Variants in AGBL1 observed in about 807,000 individuals in gnomAD.
AGBL1 encodes AGBL carboxypeptidase 1, also known as cytosolic carboxypeptidase 4.
AGBL1 carries 130 observed loss-of-function variants against 118.9 expected under a neutral mutation model. The observed-to-expected ratio is 1.09, with a 90% confidence interval of 0.95 to 1.26. The LOEUF (loss-of-function observed/expected upper bound fraction) is 1.26, where lower values mean the gene tolerates loss of function less well. Among genes scored for constraint, AGBL1 ranks in the 50% most tolerant of loss-of-function variants. The probability of loss-of-function intolerance (pLI) is 0.00; values close to 1 mark genes in which losing one functional copy is unlikely to be tolerated. For missense variants in AGBL1, 1,584 were observed against 1,298.1 expected (o/e 1.22, Z -3.38); for synonymous variants, 555 against 478.9 (o/e 1.16, Z -2.08).
rs531840610 is a variant in AGBL1 at position 86,588,398 on chromosome 15, G to A, written c.2994+33861G>A. 5.6e-4 allele frequency among the ~76,000 whole-genome samples: 86 copies of A among 152,278 alleles called. 1 individual carries two copies. The South Asian group carries it at 0.018, about 31-fold the overall frequency. ...TCTACTGTCCTAAACAACGAGATATGCCTCCCCACTCCTGCCCCTACCAGA... is the reference window on the plus strand; with the variant it reads ...TCTACTGTCCTAAACAACGAGATATACCTCCCCACTCCTGCCCCTACCAGA... On this transcript the variant is annotated intron_variant, in intron 21 of 22. Coordinates refer to ENST00000614907, the MANE Select transcript of AGBL1 (RefSeq NM_001386094.1).
At chr15:86,857,676 CTCTT>C (rs2079502819) in intron 22 of AGBL1, among the ~76,000 whole-genome samples, 1 of 152,160 alleles carries the variant, frequency 6.6e-6, no homozygotes, top group African/African-American at 2.4e-5. Context: ...ACTCATGTGA[CTCTT>C]TCATTCAGAC....
Position 86,829,776 on chromosome 15 carries a change from T to A in AGBL1, c.3159-77311T>A, listed in dbSNP as rs576315902. 5.1e-4 allele frequency among the ~76,000 whole-genome samples: 78 copies of A among 152,182 alleles called. No homozygotes were observed. The East Asian group carries it at 6.4e-3, about 12-fold the overall frequency. On this transcript the variant is annotated intron_variant, in intron 22 of 22. Coordinates refer to ENST00000614907, the MANE Select transcript of AGBL1 (RefSeq NM_001386094.1). ...CAAAGCATACAGTTATTTTATTTTTTAAAAATTATAATATTTATTAAATTT... is the reference window on the plus strand; with the variant it reads ...CAAAGCATACAGTTATTTTATTTTTAAAAAATTATAATATTTATTAAATTT...
At chr15:86,229,314 T>G (rs915128342) in intron 6 of AGBL1, among the ~76,000 whole-genome samples, 6 of 152,116 alleles carry the variant, frequency 3.9e-5, no homozygotes, top group African/African-American at 1.4e-4. Flanking sequence ...CTTACAATCA[T>G]GGCAGAAGGG....
chr15:86,228,330 G>A (rs75543007), intron 6 of AGBL1, among the ~76,000 whole-genome samples: 2,622 of 152,220 alleles, frequency 0.017, 91 homozygotes, highest in African/African-American at 0.06. Flanking sequence ...TAAACCTTTA[G>A]CTCCTAAAGG....
At chr15:86,601,496 T>G (rs2084492479) in intron 21 of AGBL1, among the ~76,000 whole-genome samples, 1 of 152,176 alleles carries the variant, frequency 6.6e-6, no homozygotes, top group Non-Finnish European at 1.5e-5. Context: ...AAGCTTCTGT[T>G]GGGTGCAAGT....
chr15:86,632,630 GTTT>G (rs61180689), intron 21 of AGBL1, among the ~76,000 whole-genome samples: 1,876 of 143,592 alleles, frequency 0.013, 30 homozygotes, highest in African/African-American at 0.039. Flanking sequence ...ATCTCATCAT[GTTT>G]TTTTTTTTTT....
intron 19 of AGBL1, among the ~76,000 whole-genome samples, chr15:86,534,470 G>A (rs1280430557): frequency 3.3e-5 from 5 of 152,156 alleles, no homozygotes; most frequent in Non-Finnish European, 4.4e-5. Flanking sequence ...AGTTTTCTGT[G>A]CTTGGGGTTA....
At chr15:86,714,967 G>A (rs1049850580) in intron 22 of AGBL1, among the ~76,000 whole-genome samples, 2 of 152,114 alleles carry the variant, frequency 1.3e-5, no homozygotes, top group East Asian at 1.9e-4. Context: ...GAAATTTAGG[G>A]TTGCTCAAAT....
At chr15:86,122,042 C>A (rs1898122380) in intron 1 of AGBL1, among the ~76,000 whole-genome samples, 1 of 152,178 alleles carries the variant, frequency 6.6e-6, no homozygotes, top group Admixed American at 6.5e-5. Context: ...CCCATCATAC[C>A]TAATTACTAC....
intron 22 of AGBL1, among the ~76,000 whole-genome samples, chr15:86,831,269 T>G (rs1299532691): frequency 6.6e-6 from 1 of 152,096 alleles, no homozygotes; most frequent in Non-Finnish European, 1.5e-5. Flanking sequence ...CCCTGTACCC[T>G]CCCAAATCTC....
chr15:86,839,859 T>C (rs916620798), intron 22 of AGBL1, among the ~76,000 whole-genome samples: 3 of 152,290 alleles, frequency 2.0e-5, no homozygotes, highest in Admixed American at 6.5e-5. Flanking sequence ...TCCTCTACTT[T>C]TATTCCTCTG....
intron 21 of AGBL1, among the ~76,000 whole-genome samples, chr15:86,612,587 C>G (rs1232916603): frequency 1.3e-5 from 2 of 152,122 alleles, no homozygotes; most frequent in Non-Finnish European, 2.9e-5. Flanking sequence ...CAACCTGACT[C>G]TCGTACAGCA....
At chr15:86,183,739 T>A (rs2077584830) in intron 5 of AGBL1, among the ~76,000 whole-genome samples, 1 of 152,178 alleles carries the variant, frequency 6.6e-6, no homozygotes, top group Non-Finnish European at 1.5e-5. Flanking sequence ...ACATTTTATG[T>A]GGTGTTTCAG....
chr15:86,823,293 T>C (rs8029874), intron 22 of AGBL1, among the ~76,000 whole-genome samples: 6,605 of 152,222 alleles, frequency 0.043, 307 homozygotes, highest in East Asian at 0.12. Flanking sequence ...ACCTGAGATA[T>C]GGACATTGGA....
intron 7 of AGBL1, among the ~76,000 whole-genome samples, chr15:86,256,491 G>T (rs1194018543): frequency 6.6e-6 from 1 of 152,186 alleles, no homozygotes; most frequent in African/African-American, 2.4e-5. Flanking sequence ...CACATGGGTG[G>T]CTGAGAAAAG....
At chr15:86,634,304 AAAC>A (rs2085040576) in intron 21 of AGBL1, among the ~76,000 whole-genome samples, 2 of 152,226 alleles carry the variant, frequency 1.3e-5, no homozygotes, top group Non-Finnish European at 2.9e-5. Context: ...CAACAAGTAG[AAAC>A]AACCCCAAAG....
intron 17 of AGBL1, among the ~76,000 whole-genome samples, chr15:86,364,468 A>G (rs961454623): frequency 2.6e-5 from 4 of 152,046 alleles, no homozygotes; most frequent in Non-Finnish European, 5.9e-5. Flanking sequence ...CTTATCACCT[A>G]CTCGTACCAC....
intron 3 of AGBL1, among the ~76,000 whole-genome samples, chr15:86,146,543 T>G (rs1456120779): frequency 1.3e-5 from 2 of 152,214 alleles, no homozygotes; most frequent in Non-Finnish European, 2.9e-5. Flanking sequence ...GCATGTCACA[T>G]GCTTATCATA....
intron 17 of AGBL1, among the ~76,000 whole-genome samples, chr15:86,300,628 G>T (rs1389287920): frequency 6.6e-6 from 1 of 152,070 alleles, no homozygotes; most frequent in Non-Finnish European, 1.5e-5. Flanking sequence ...ATCTAAAACA[G>T]CAAAGCATAA....
Sources: allele counts gnomAD v4.1 joint callset (sites outside exome capture counted in the v4.1 genomes callset), GRCh38; gene constraint gnomAD v4.1.1; transcripts MANE v1.5; gene names NCBI Gene and HGNC (gene_info 2026-07-23, HGNC 2026-07-21).